Variants in CCDC158 observed in about 807,000 individuals in gnomAD.
CCDC158 encodes coiled-coil domain containing 158, also known as coiled-coil domain-containing protein 158.
In CCDC158, 116 loss-of-function variants were observed where a neutral mutation model predicts 138.6. That is an observed-to-expected ratio of 0.84 (90% CI 0.72 to 0.98). CCDC158 has a LOEUF of 0.98. CCDC158 is among the 50% of genes least tolerant of loss of function. The pLI is 0.00. For missense variants in CCDC158, 1,265 were observed against 1,306.1 expected (o/e 0.97, Z 0.48); for synonymous variants, 436 against 442.4 (o/e 0.99, Z 0.18).
chr4:76,407,992 T>C (rs1040797718), intron 2 of CCDC158, among the ~76,000 whole-genome samples: 4 of 152,134 alleles, frequency 2.6e-5, no homozygotes, highest in East Asian at 1.9e-4. Flanking sequence ...GGAATTTTTT[T>C]CTTAGAAAAT....
In CCDC158 at chr4:76,338,322, C is replaced by T. The variant is rs187044888; in HGVS notation, c.2665-4155G>A. Among the ~76,000 whole-genome samples the T allele has an allele frequency of 4.0e-3, 603 of 152,224 alleles. 3 individuals carry two copies. Among genetic ancestry groups the T allele is most frequent in the African/African-American group, 0.014 (572 of 41,524 alleles). ...GTCAGGAGTTCGAGACCAGCCTGGC[C>T]AACATAGCAAAACCCCGTCTCTACT... On this transcript the variant is annotated intron_variant, in intron 18 of 24. Coordinates refer to ENST00000682701, the MANE Select transcript of CCDC158 (RefSeq NM_001394954.1).
At chr4:76,326,135 A>T in intron 22 of CCDC158, 120 bp from the exon 23 acceptor site, 1 of 751,118 alleles carries the variant, frequency 1.3e-6, no homozygotes, top group Non-Finnish European at 2.2e-6. Flanking sequence ...ACAGGGGGAC[A>T]TTCTTCTAAA....
intron 24 of CCDC158, among the ~76,000 whole-genome samples, chr4:76,314,667 A>G (rs1284364107): frequency 6.6e-6 from 1 of 152,178 alleles, no homozygotes; most frequent in Non-Finnish European, 1.5e-5. Flanking sequence ...AGCTGGAACA[A>G]ATTTAGCGCA....
chr4:76,356,119 A>T (rs747024593), intron 14 of CCDC158, among the ~76,000 whole-genome samples: 5 of 152,192 alleles, frequency 3.3e-5, no homozygotes, highest in African/African-American at 4.8e-5. Flanking sequence ...CAGTCTGGCT[A>T]TAACTTAGAG....
intron 18 of CCDC158, among the ~76,000 whole-genome samples, chr4:76,350,427 T>C (rs1012492222): frequency 6.6e-6 from 1 of 152,216 alleles, no homozygotes; most frequent in Non-Finnish European, 1.5e-5. Flanking sequence ...CTTATTTCTT[T>C]ACAGTTGAAT....
intron 18 of CCDC158, among the ~76,000 whole-genome samples, chr4:76,337,085 A>G (rs887365871): frequency 6.6e-5 from 10 of 152,064 alleles, no homozygotes; most frequent in African/African-American, 2.4e-4. Context: ...GGCTCAATTG[A>G]TCATTCTGCC....
chr4:76,338,381 G>A (rs1187956126), intron 18 of CCDC158, among the ~76,000 whole-genome samples: 2 of 152,136 alleles, frequency 1.3e-5, no homozygotes, highest in Admixed American at 1.3e-4. Flanking sequence ...ATGGTAGCGT[G>A]TATGCCTGTA....
chr4:76,356,278 A>G (rs1303003827), intron 14 of CCDC158, among the ~76,000 whole-genome samples: 1 of 152,206 alleles, frequency 6.6e-6, no homozygotes, highest in Non-Finnish European at 1.5e-5. Context: ...TTAATAGGGT[A>G]AAAGTCTGAC....
Position 76,325,867 on chromosome 4 carries a change from A to T in CCDC158, c.3159T>A (p.Asp1053Glu), listed in dbSNP as rs1476368209. The change falls in exon 23 of 25, where the codon GAT becomes GAA. Residue 1053 changes from aspartate (D) to glutamate (E), a missense_variant. By Grantham distance (45) the Asp-to-Glu change is conservative. Transcript: ENST00000682701. Reference sequence around the variant, plus strand: ...TCAGATCTTTCTTACCTTTAACAGAATCAGATGAATGAATAGGTTTGGCAG... The same window carrying T: ...TCAGATCTTTCTTACCTTTAACAGATTCAGATGAATGAATAGGTTTGGCAG... ...YRSAKPIHSS[D>E]SVKDSQSPPI... is the part of the protein sequence containing the mutation. The T allele has an allele frequency of 4.4e-6, 7 of 1,608,608 alleles. No homozygotes were observed. The highest frequency in any genetic ancestry group is 5.1e-6 in the Non-Finnish European group (6 of 1,178,250).
chr4:76,381,264 A>G (rs28802637), intron 8 of CCDC158, among the ~76,000 whole-genome samples: 4,483 of 152,288 alleles, frequency 0.029, 221 homozygotes, highest in African/African-American at 0.1. Flanking sequence ...ACGTGGAAAA[A>G]CTACAGGCAC....
rs371546006 is a variant in CCDC158, at chr4:76,384,305, G to C, written c.509C>G (p.Thr170Arg). ...CATTTTTCGTAGTTGCTCTATCTGTGTGTTGCTGTCTTTCAGCATGTCCTC... is the reference window on the plus strand; with the variant it reads ...CATTTTTCGTAGTTGCTCTATCTGTCTGTTGCTGTCTTTCAGCATGTCCTC... Reference protein sequence around the residue: ...LKEDMLKDSNTQIEQLRKMML... With the variant: ...LKEDMLKDSNRQIEQLRKMML... The change falls in exon 6 of 25, where the codon ACA becomes AGA. Residue 170 changes from threonine to arginine, a missense_variant. Thr to Arg is a moderately conservative substitution (Grantham distance 71). Coordinates refer to ENST00000682701, the MANE Select transcript of CCDC158 (RefSeq NM_001394954.1). 1.2e-6 allele frequency: 2 copies of C among 1,614,094 alleles called. No individual in the cohort carries two copies. Among genetic ancestry groups the C allele is most frequent in the East Asian group, 4.5e-5 (2 of 44,868 alleles).
intron 24 of CCDC158, among the ~76,000 whole-genome samples, chr4:76,314,022 C>CTT (rs1239921034): frequency 1.3e-5 from 2 of 151,870 alleles, no homozygotes; most frequent in African/African-American, 4.8e-5. Context: ...ATAATAAATA[C>CTT]TTTTGTATAA....
intron 8 of CCDC158, among the ~76,000 whole-genome samples, chr4:76,381,231 T>A (rs1369937217): frequency 1.3e-5 from 2 of 152,164 alleles, no homozygotes; most frequent in African/African-American, 2.4e-5. Flanking sequence ...GAATGGTAGA[T>A]CTACAGGCAG....
chr4:76,323,398 G>A lies in CCDC158; in HGVS notation c.3181C>T (p.Pro1061Ser). The A allele has an allele frequency of 1.2e-6, 2 of 1,610,378 alleles. No homozygotes were observed. Among genetic ancestry groups the A allele is most frequent in the East Asian group, 2.2e-5 (1 of 44,792 alleles). The change falls in exon 24 of 25, where the codon CCG becomes TCG. Residue 1061 changes from proline to serine, a missense_variant. Pro to Ser is a moderately conservative substitution (Grantham distance 74, BLOSUM62 -1). Coordinates refer to ENST00000682701, the MANE Select transcript of CCDC158 (RefSeq NM_001394954.1). ...GTTTTTCCTGTTGTTTCTATTGGCG[G>A]AGACTGTGAATCTATTAGAAAATTG... The part of the protein sequence containing the change: ...SSDSVKDSQS[P>S]PIETTGKTCR...
At chr4:76,380,858 C>G (rs1726171412) in intron 8 of CCDC158, among the ~76,000 whole-genome samples, 1 of 152,206 alleles carries the variant, frequency 6.6e-6, no homozygotes, top group Non-Finnish European at 1.5e-5. Flanking sequence ...GTCCTCGGTA[C>G]ATGGCACCCT....
intron 18 of CCDC158, among the ~76,000 whole-genome samples, chr4:76,338,010 G>A (rs561310987): frequency 1.4e-4 from 21 of 152,300 alleles, no homozygotes; most frequent in Non-Finnish European, 3.1e-4. Context: ...CTTTATAGCT[G>A]CTCCCCATCA....
intron 24 of CCDC158, among the ~76,000 whole-genome samples, chr4:76,319,661 C>T (rs979905113): frequency 1.7e-4 from 26 of 150,808 alleles, no homozygotes; most frequent in Non-Finnish European, 3.2e-4. Flanking sequence ...AAATATGATA[C>T]ATCACACAAA....
intron 23 of CCDC158, 140 bp from the exon 24 acceptor site, chr4:76,323,549 A>T: frequency 1.7e-6 from 1 of 583,772 alleles, no homozygotes; most frequent in Non-Finnish European, 3.0e-6. Flanking sequence ...GAGCTATAAC[A>T]CTTAAAGGAA....
intron 4 of CCDC158, among the ~76,000 whole-genome samples, chr4:76,386,798 G>T (rs1052656198): frequency 2.0e-5 from 3 of 152,186 alleles, no homozygotes; most frequent in African/African-American, 7.2e-5. Flanking sequence ...AGCAACTGGG[G>T]GGTTTTATAT....
Sources: gnomAD v4.1 joint callset for allele counts (sites outside exome capture counted in the v4.1 genomes callset) on GRCh38, gnomAD v4.1.1 for gene constraint, MANE v1.5 for transcripts, NCBI Gene and HGNC (gene_info 2026-07-23, HGNC 2026-07-21) for gene names.